The following ZPBP variants were observed in gnomAD, a reference collection of about 807,000 sequenced individuals.
ZPBP encodes the protein zona pellucida binding protein.
A neutral mutation model predicts 44.8 loss-of-function variants in ZPBP; 26 were observed. The observed-to-expected ratio is 0.58, with a 90% CI of 0.43 to 0.81. The LOEUF (loss-of-function observed/expected upper bound fraction) is 0.81, where lower values mean the gene tolerates loss of function less well. ZPBP is among the 30% of genes least tolerant of loss of function. ZPBP has a pLI of 0.00. For synonymous variants in ZPBP, 174 were observed against 153.2 expected (o/e 1.14, Z -1.00); for missense variants, 409 against 434.0 (o/e 0.94, Z 0.51).
At chr7:49,870,063 A>G (rs953991153) in intron 2 of ZPBP, among the ~76,000 whole-genome samples, 2 of 152,238 alleles carry the variant, frequency 1.3e-5, no homozygotes, top group African/African-American at 4.8e-5. Context: ...GGTAGAAGAC[A>G]GAAGTGTAGT....
intron 7 of ZPBP, among the ~76,000 whole-genome samples, chr7:49,980,591 G>T (rs985060937): frequency 6.6e-6 from 1 of 151,920 alleles, no homozygotes; most frequent in Non-Finnish European, 1.5e-5. Context: ...GCCTGAGTGT[G>T]CAGAACTCAA....
At chr7:50,081,126 T>C (rs1384005590) in intron 3 of ZPBP, among the ~76,000 whole-genome samples, 1 of 151,754 alleles carries the variant, frequency 6.6e-6, no homozygotes, top group Non-Finnish European at 1.5e-5. Context: ...ATAAATATAT[T>C]GCTCTCCTTC....
chr7:49,861,091 A>C (rs1790634242), intron 2 of ZPBP, among the ~76,000 whole-genome samples: 1 of 152,224 alleles, frequency 6.6e-6, no homozygotes, highest in Non-Finnish European at 1.5e-5. Flanking sequence ...GCACAGTTTT[A>C]CATTCCCACC....
chr7:49,862,653 G>T (rs533585030), intron 2 of ZPBP, among the ~76,000 whole-genome samples: 6 of 141,270 alleles, frequency 4.2e-5, no homozygotes, highest in South Asian at 2.2e-4. Context: ...ACTTTGATGT[G>T]TTTTTTTTTT....
downstream of ZPBP, among the ~76,000 whole-genome samples, chr7:49,846,980 C>A (rs553262381): frequency 6.6e-6 from 1 of 152,272 alleles, no homozygotes; most frequent in East Asian, 1.9e-4. Context: ...CAGTGTGAGG[C>A]TGTAAATTTC....
At chr7:49,923,627 C>CTTCTTG (rs936116716) in intron 1 of ZPBP, among the ~76,000 whole-genome samples, 7 of 151,964 alleles carry the variant, frequency 4.6e-5, no homozygotes, top group Admixed American at 4.6e-4. Flanking sequence ...TCTTCTTCTT[C>CTTCTTG]TAATAGTCAT....
At chr7:50,039,182 TGAA>T (rs1012030162) in intron 4 of ZPBP, among the ~76,000 whole-genome samples, 7 of 151,818 alleles carry the variant, frequency 4.6e-5, no homozygotes, top group African/African-American at 1.7e-4. Context: ...AAACCAAAAT[TGAA>T]GAAGATATGG....
intron 2 of ZPBP, among the ~76,000 whole-genome samples, chr7:49,866,847 A>T (rs1790913047): frequency 6.6e-6 from 1 of 152,218 alleles, no homozygotes; most frequent in Non-Finnish European, 1.5e-5. Flanking sequence ...CTTTCAACTC[A>T]GACAACCCGA....
intron 6 of ZPBP, among the ~76,000 whole-genome samples, chr7:50,013,875 G>A (rs1798692626): frequency 2.0e-5 from 3 of 152,010 alleles, no homozygotes; most frequent in Non-Finnish European, 2.9e-5. Flanking sequence ...ATGGATGAAT[G>A]AGTAAATACC....
At chr7:49,955,581 G>C (rs1290195122) in intron 7 of ZPBP, among the ~76,000 whole-genome samples, 1 of 151,812 alleles carries the variant, frequency 6.6e-6, no homozygotes, top group East Asian at 1.9e-4. Context: ...AGAAAGAAGA[G>C]CACATTAATT....
At chr7:50,009,727 C>T (rs1214114028) in intron 6 of ZPBP, among the ~76,000 whole-genome samples, 4 of 151,766 alleles carry the variant, frequency 2.6e-5, no homozygotes, top group African/African-American at 4.8e-5. Context: ...GATAGAAAAT[C>T]CCAAAGAATG....
intron 3 of ZPBP, among the ~76,000 whole-genome samples, chr7:50,075,395 A>C (rs192518299): frequency 9.2e-5 from 14 of 152,110 alleles, no homozygotes; most frequent in Admixed American, 6.5e-4. Flanking sequence ...ACCCAAAATT[A>C]GTAGAAGAAA....
chr7:49,875,395 A>AAAAAAAAAAAAAAAAAAAAAAC (rs1562746141), intron 2 of ZPBP, among the ~76,000 whole-genome samples: 1 of 149,490 alleles, frequency 6.7e-6, no homozygotes, highest in African/African-American at 2.5e-5. Flanking sequence ...AAAAAAAAAA[A>AAAAAAAAAAAAAAAAAAAAAAC]AACAGGAATA....
At chr7:50,065,039 C>G (rs1225086063) in intron 3 of ZPBP, among the ~76,000 whole-genome samples, 1 of 152,212 alleles carries the variant, frequency 6.6e-6, no homozygotes, top group Non-Finnish European at 1.5e-5. Context: ...TCACAATCCA[C>G]GTTCTTCTGC....
chr7:50,052,681 A>C (rs1296678935), intron 4 of ZPBP, among the ~76,000 whole-genome samples: 1 of 152,228 alleles, frequency 6.6e-6, no homozygotes, highest in Non-Finnish European at 1.5e-5. Flanking sequence ...TGCAACAGCC[A>C]AAAACGCAAA....
At chr7:49,871,908 AACACACAC>A (rs72332840) in intron 2 of ZPBP, among the ~76,000 whole-genome samples, 23,902 of 87,730 alleles carry the variant, frequency 0.27, 3,816 homozygotes, top group Non-Finnish European at 0.34. Context: ...TGTGTATATA[AACACACAC>A]ACACACACAC....
At chr7:50,067,099 T>C (rs1801545023) in intron 3 of ZPBP, among the ~76,000 whole-genome samples, 1 of 152,192 alleles carries the variant, frequency 6.6e-6, no homozygotes, top group South Asian at 2.1e-4. Flanking sequence ...TGAAAGGGTG[T>C]ACTGGGTCTG....
chr7:50,081,372 T>C (rs1353555421), intron 3 of ZPBP, among the ~76,000 whole-genome samples: 1 of 151,740 alleles, frequency 6.6e-6, no homozygotes, highest in East Asian at 1.9e-4. Flanking sequence ...TTTTTAAAAC[T>C]ACAGTGTTAA....
chr7:49,901,584 T>A (rs1397112699), intron 1 of ZPBP, among the ~76,000 whole-genome samples: 1 of 151,610 alleles, frequency 6.6e-6, no homozygotes, highest in African/African-American at 2.4e-5. Flanking sequence ...ATGTTTCAAG[T>A]TCATGGATAG....
Sources: allele counts gnomAD v4.1 joint callset (sites outside exome capture counted in the v4.1 genomes callset), GRCh38; gene constraint gnomAD v4.1.1; transcripts MANE v1.5; gene names NCBI Gene and HGNC (gene_info 2026-07-23, HGNC 2026-07-21).